The following NOD1 variants were observed in gnomAD, a reference collection of about 807,000 sequenced individuals.
NOD1 encodes the protein nucleotide binding oligomerization domain containing 1.
In NOD1, 70 loss-of-function variants were observed where a neutral mutation model predicts 81.2. The observed-to-expected ratio is 0.86, with a 90% CI of 0.71 to 1.05. The LOEUF (loss-of-function observed/expected upper bound fraction) is 1.05. Among genes scored for constraint, NOD1 ranks in the 50% least tolerant of loss-of-function variants. The probability of loss-of-function intolerance (pLI) is 0.00; values close to 1 mark genes in which losing one functional copy is unlikely to be tolerated. For synonymous variants in NOD1, 508 were observed against 526.9 expected (o/e 0.96, Z 0.49); for missense variants, 1,233 against 1,228.0 (o/e 1.00, Z -0.06).
intron 1 of NOD1, among the ~76,000 whole-genome samples, chr7:30,477,082 G>A (rs540358591): frequency 2.6e-5 from 4 of 152,272 alleles, no homozygotes; most frequent in African/African-American, 9.6e-5. Context: ...GCTTGGAGAG[G>A]TCAAGGAACT....
chr7:30,462,283 T>C (rs953027410), intron 1 of NOD1, among the ~76,000 whole-genome samples: 3 of 152,240 alleles, frequency 2.0e-5, no homozygotes, highest in Admixed American at 2.0e-4. Context: ...GACTCTCCTA[T>C]ACCACTGGTG....
chr7:30,478,247 G>C lies in NOD1; in HGVS notation c.-352+359C>G, dbSNP rs1788991995. Among the ~76,000 whole-genome samples the C allele has an allele frequency of 6.6e-6, 1 of 152,102 alleles. No homozygotes were observed. The highest frequency in any genetic ancestry group is 2.1e-4 in the South Asian group (1 of 4,824). On this transcript the variant is annotated intron_variant, in intron 1 of 13. Transcript: ENST00000222823. The surrounding 1 kb of genome is among the most constrained non-coding windows in gnomAD (Gnocchi z 4.1). ...GGAATCACTTGGGGAGCTTTTAAAAGATACGGAGGCCTGGGTCTGACTCCG... is the reference window on the plus strand; with the variant it reads ...GGAATCACTTGGGGAGCTTTTAAAACATACGGAGGCCTGGGTCTGACTCCG...
At chr7:30,427,588 G>A (rs540272660) in intron 13 of NOD1, among the ~76,000 whole-genome samples, 94 of 152,186 alleles carry the variant, frequency 6.2e-4, no homozygotes, top group Non-Finnish European at 1.2e-3. Flanking sequence ...GGACCTAAGT[G>A]AAGACACTCC....
At position 30,445,278 on chromosome 7, in the gene NOD1, TAAAAAAAAAAA is replaced by T. The variant is rs55875433; in HGVS notation, c.2453+852_2453+862del. Among the ~76,000 whole-genome samples the T allele has an allele frequency of 8.7e-5, 6 of 69,180 alleles. 1 individual carries two copies. The highest frequency in any genetic ancestry group is 1.1e-3 in the South Asian group (2 of 1,874). 45.4% of individuals were successfully genotyped at this position (69,180 alleles called of 152,430 possible). A position where few individuals can be genotyped will look rare whatever the true frequency, so the allele number is the denominator to read the frequency against. On this transcript the variant is annotated intron_variant, in intron 9 of 13. Coordinates refer to ENST00000222823, the MANE Select transcript of NOD1 (RefSeq NM_006092.4). ...GAGTATAATAAAAAAAAAAAGAATCTAAAAAAAAAAAAAAAAAAAAAAAAGAATTGAAGGCA... is the reference window on the plus strand; with the variant it reads ...GAGTATAATAAAAAAAAAAAGAATCTAAAAAAAAAAAAAGAATTGAAGGCA...
In NOD1 at chr7:30,467,937, G is replaced by A. The variant is rs1787878427; in HGVS notation, c.-351-7896C>T. ...GGCTGGTCTTGAACTCCTGACCTCA[G>A]GTGATCCACCTGCCTCGACCTCCCA... On this transcript the variant is annotated intron_variant, in intron 1 of 13. Transcript: ENST00000222823. The surrounding 1 kb of genome is among the most constrained non-coding windows in gnomAD (Gnocchi z 4.5). Among the ~76,000 whole-genome samples the A allele has an allele frequency of 6.6e-6, 1 of 152,012 alleles. No homozygotes were observed. The highest frequency in any genetic ancestry group is 2.1e-4 in the South Asian group (1 of 4,820).
At chr7:30,426,512 T>TGACA (rs1161848077) in intron 13 of NOD1, among the ~76,000 whole-genome samples, 4 of 152,042 alleles carry the variant, frequency 2.6e-5, no homozygotes, top group African/African-American at 9.7e-5. Flanking sequence ...AATGTCCTAC[T>TGACA]GACAGGTCAT....
At chr7:30,460,749 G>T in intron 1 of NOD1, 8 of 901,416 alleles carry the variant, frequency 8.9e-6, no homozygotes, top group Non-Finnish European at 1.1e-5. Flanking sequence ...GGTTGCACAG[G>T]CATTTCCTCT....
rs551761894 is a variant in NOD1 at position 30,478,010 on chromosome 7, G to T, written c.-352+596C>A. Among the ~76,000 whole-genome samples, 1 of 152,260 alleles carries T rather than the reference G, an allele frequency of 6.6e-6. No individual in the cohort carries two copies. The highest frequency in any genetic ancestry group is 1.9e-4 in the East Asian group (1 of 5,186). On this transcript the variant is annotated intron_variant, in intron 1 of 13. Coordinates refer to ENST00000222823, the MANE Select transcript of NOD1 (RefSeq NM_006092.4). This position sits in a 1 kb window ranked among gnomAD's most constrained non-coding sequence, Gnocchi z 4.1. ...GCCAAAACAACTGCACACATTGGAG[G>T]CGTTTTTGAATGTGATATTCAGGCG...
At chr7:30,457,199 C>A (rs147585489) in intron 3 of NOD1, among the ~76,000 whole-genome samples, 157 bp from the exon 4 acceptor site, 1 of 152,156 alleles carries the variant, frequency 6.6e-6, no homozygotes, top group East Asian at 1.9e-4. Flanking sequence ...GTAATCCCAG[C>A]GCTTTGGGAG....
intron 6 of NOD1, among the ~76,000 whole-genome samples, chr7:30,448,944 T>C (rs1170621374): frequency 6.6e-6 from 1 of 152,216 alleles, no homozygotes; most frequent in Non-Finnish European, 1.5e-5. Flanking sequence ...GAAAAGGCTG[T>C]GAGTCCCACT....
At chr7:30,446,493 C>G (rs746609016) in intron 8 of NOD1, 5 of 495,664 alleles carry the variant, frequency 1.0e-5, no homozygotes, top group African/African-American at 1.9e-5. Flanking sequence ...TCTAATTGAC[C>G]TCAGCAGCAT....
rs780460320 is a variant in NOD1 at position 30,452,923 on chromosome 7, T to G, written c.494A>C (p.Glu165Ala). 2 of 1,613,844 alleles carry G rather than the reference T, an allele frequency of 1.2e-6. No homozygotes were observed. Residue 165 changes from glutamate (E) to alanine (A), a missense_variant, in exon 6 of 14, where the codon GAG (glutamate) becomes GCG (alanine). Physicochemically the swap from Glu to Ala is moderately radical, Grantham distance 107. Transcript: ENST00000222823. ...GCTCTCATTGCTGAAGCCAACCAGC[T>G]CCATGATGGTGTCCATGTAGATCTC... is the stretch of plus-strand genomic sequence containing the variant. ...LEEIYMDTIMELVGFSNESLG... is the reference protein window; with the variant it reads ...LEEIYMDTIMALVGFSNESLG...
intron 3 of NOD1, 39 bp from the exon 4 acceptor site, chr7:30,457,081 A>G: frequency 1.6e-6 from 1 of 634,344 alleles, no homozygotes; most frequent in Admixed American, 2.5e-5. Flanking sequence ...AGCAAAAGCT[A>G]CAGAAAGAGC....
chr7:30,464,961 T>C (rs753056676), intron 1 of NOD1, among the ~76,000 whole-genome samples: 4 of 152,190 alleles, frequency 2.6e-5, no homozygotes, highest in Non-Finnish European at 5.9e-5. Context: ...TTACCGCCAA[T>C]TTACACATGA....
intron 1 of NOD1, among the ~76,000 whole-genome samples, chr7:30,466,149 A>G (rs1196957700): frequency 6.6e-6 from 1 of 152,210 alleles, no homozygotes; most frequent in East Asian, 1.9e-4. Context: ...GAGAGTTTTC[A>G]AAGACTTTCC....
chr7:30,446,090 C>T (rs1785042475), intron 9 of NOD1, 51 bp downstream of exon 9: 2 of 1,384,480 alleles, frequency 1.4e-6, no homozygotes, highest in Non-Finnish European at 1.0e-6. Context: ...AAGGCCCGCC[C>T]CCCACACACA....
rs1445247993 is a variant in NOD1, at chr7:30,425,786, T to C, written c.2790-76A>G. On this transcript the variant is annotated intron_variant, in intron 13 of 13. Coordinates refer to ENST00000222823, the MANE Select transcript of NOD1 (RefSeq NM_006092.4). ...TCGCACACTCCTTCCCAAGGTGTGT[T>C]CATAGCACACACTCGTGTATCACAC... 5 of 960,940 alleles carry C rather than the reference T, an allele frequency of 5.2e-6. No individual in the cohort carries two copies. The Admixed American group carries it at 8.5e-5, about 16-fold the overall frequency. 59.5% of individuals were successfully genotyped at this position (960,940 alleles called of 1,614,324 possible).
intron 9 of NOD1, 49 bp downstream of exon 9, chr7:30,446,092 C>G (rs771238463): frequency 7.2e-7 from 1 of 1,389,940 alleles, no homozygotes; most frequent in Admixed American, 1.7e-5. Context: ...GGCCCGCCCC[C>G]CACACACACA....
At chr7:30,446,092 CCACA>C in intron 9 of NOD1, 45 bp downstream of exon 9, 2 of 1,389,934 alleles carry the variant, frequency 1.4e-6, no homozygotes, top group Non-Finnish European at 2.0e-6. Context: ...GGCCCGCCCC[CCACA>C]CACACAGCAG....
Sources: gnomAD v4.1 joint callset for allele counts (sites outside exome capture counted in the v4.1 genomes callset) on GRCh38, gnomAD v4.1.1 for gene constraint, Gnocchi (gnomAD v3.1) non-coding constraint, MANE v1.5 for transcripts, NCBI Gene and HGNC (gene_info 2026-07-23, HGNC 2026-07-21) for gene names.